ENDOV: variants seen among roughly 807,000 people sequenced by gnomAD.
The protein encoded by ENDOV is hEndoV.
In ENDOV, 37 loss-of-function variants were observed where a neutral mutation model predicts 39.4. The observed-to-expected ratio is 0.94, with a 90% CI of 0.72 to 1.23. The LOEUF is 1.23. ENDOV is among the 50% of genes most tolerant of loss of function. ENDOV has a pLI of 0.00. For synonymous variants in ENDOV, 186 were observed against 163.4 expected (o/e 1.14, Z -1.05); for missense variants, 441 against 375.7 (o/e 1.17, Z -1.44).
At position 80,425,630 on chromosome 17, in the gene ENDOV, C is replaced by A. The variant is rs760228158; in HGVS notation, c.714+10C>A. On this transcript the variant is annotated intron_variant, in intron 7 of 9. Transcript: ENST00000518137. ...AGAGCCCGTGCGCCAGGTGGGTGTG[C>A]TGGGGATGCGGGGAGGCAGCACAGG... 11 of 1,573,818 alleles carry A rather than the reference C, an allele frequency of 7.0e-6. No individual in the cohort carries two copies. The highest frequency in any genetic ancestry group is 2.3e-4 in the Middle Eastern group (1 of 4,436).
intron 2 of ENDOV, chr17:80,417,760 A>C (rs986824310): frequency 5.9e-5 from 9 of 152,354 alleles, no homozygotes; most frequent in African/African-American, 2.2e-4. Context: ...CCCTACTGGA[A>C]TATAAACTCC....
intron 2 of ENDOV, among the ~76,000 whole-genome samples, chr17:80,416,735 CCTTCCTTCCTCT>C (rs1016938411): frequency 2.1e-5 from 3 of 142,914 alleles, no homozygotes; most frequent in Middle Eastern, 3.5e-3. Flanking sequence ...TTCCTTCCTC[CCTTCCTTCCTCT>C]CTCTGTCTCT....
intron 2 of ENDOV, among the ~76,000 whole-genome samples, chr17:80,421,411 C>CAGACCA (rs2082006651): frequency 1.5e-5 from 2 of 129,468 alleles, no homozygotes; most frequent in African/African-American, 5.5e-5. Flanking sequence ...GGGGCTCCTA[C>CAGACCA]TATACACATC....
chr17:80,418,191 C>T (rs934993735), intron 2 of ENDOV: 1 of 152,206 alleles, frequency 6.6e-6, no homozygotes, highest in Non-Finnish European at 1.5e-5. Context: ...CTCTAGGCCT[C>T]TGTCTCCTTT....
intron 5 of ENDOV, chr17:80,424,022 C>T: frequency 3.6e-6 from 1 of 277,344 alleles, no homozygotes. Context: ...TGCTCAGGTA[C>T]CACAGCCTCC....
At chr17:80,423,188 C>T (rs41298726) in intron 4 of ENDOV, among the ~76,000 whole-genome samples, 53 of 152,350 alleles carry the variant, frequency 3.5e-4, no homozygotes, top group African/African-American at 1.3e-3. Context: ...CGTGCCAGCG[C>T]TGGCAGGCCA....
rs1368935186 is a variant in ENDOV at position 80,421,901 on chromosome 17, T to A, written c.302T>A (p.Val101Glu). ...TCGGGCTTCCTGGCCTTCCGAGAGG[T>A]GCCCTTCTTGCTGGAGCTGGTGCAG... Reference protein sequence around the residue: ...YVSGFLAFREVPFLLELVQQL... With the variant: ...YVSGFLAFREEPFLLELVQQL... The change falls in exon 3 of 10, where the codon GTG (valine) becomes GAG (glutamate). Residue 101 changes from valine (V) to glutamate (E), a missense_variant. Transcript: ENST00000518137. 1 of 1,610,460 alleles carries A rather than the reference T, an allele frequency of 6.2e-7. No individual in the cohort carries two copies. The highest frequency in any genetic ancestry group is 1.7e-5 in the Admixed American group (1 of 59,744).
At chr17:80,435,539 C>T (rs1167045568) in intron 9 of ENDOV, among the ~76,000 whole-genome samples, 4 of 152,108 alleles carry the variant, frequency 2.6e-5, no homozygotes, top group Non-Finnish European at 4.4e-5. Context: ...ACTGCAGCCT[C>T]GACCTCTTGG....
In ENDOV at chr17:80,415,190, A is replaced by T. The variant is rs1371998641; in HGVS notation, c.-5A>T. The stretch of plus-strand genomic sequence containing the variant: ...ACGTGCGGAAGGGGTGCCCGGGACG[A>T]AGCCATGGCCCTGGAGGCGGCGGGA... On this transcript the variant is annotated 5_prime_UTR_variant, in exon 1 of 10. Transcript: ENST00000518137. 15 of 1,612,902 alleles carry T rather than the reference A, an allele frequency of 9.3e-6. No individual in the cohort carries two copies. Among genetic ancestry groups the T allele is most frequent in the Non-Finnish European group, 1.3e-5 (15 of 1,179,614 alleles).
intron 7 of ENDOV, among the ~76,000 whole-genome samples, chr17:80,426,372 C>T (rs770308157): frequency 3.9e-5 from 6 of 152,266 alleles, no homozygotes; most frequent in East Asian, 1.9e-4. Context: ...ATGGGGGGCC[C>T]GGAGGGTGGC....
chr17:80,417,500 G>C (rs748347728), intron 2 of ENDOV: 1 of 152,266 alleles, frequency 6.6e-6, no homozygotes. Context: ...AGTTCTGGAG[G>C]CTGGAGGCTC....
intron 2 of ENDOV, chr17:80,419,698 G>A (rs900801340): frequency 1.1e-5 from 8 of 702,072 alleles, no homozygotes; most frequent in Non-Finnish European, 1.8e-5. Context: ...AAGAGGCTGC[G>A]ATGACGTCCA....
At chr17:80,435,689 A>T (rs1343007775) in intron 9 of ENDOV, among the ~76,000 whole-genome samples, 1 of 151,078 alleles carries the variant, frequency 6.6e-6, no homozygotes, top group African/African-American at 2.4e-5. Context: ...ATCTCGGCTC[A>T]CTGCAAGCTC....
chr17:80,417,014 C>G (rs943193008), intron 2 of ENDOV: 1 of 152,226 alleles, frequency 6.6e-6, no homozygotes, highest in African/African-American at 2.4e-5. Context: ...CTTGGCCTCC[C>G]CAAGTGCTGA....
chr17:80,428,516 G>A (rs539890289), intron 7 of ENDOV, 80 bp from the exon 8 acceptor site: 38 of 1,376,556 alleles, frequency 2.8e-5, no homozygotes, highest in Admixed American at 1.6e-4. Context: ...GGGGGATGGA[G>A]GCATTGCCAG....
At chr17:80,431,528 T>G (rs2083327892) in intron 9 of ENDOV, among the ~76,000 whole-genome samples, 1 of 152,188 alleles carries the variant, frequency 6.6e-6, no homozygotes, top group East Asian at 1.9e-4. Flanking sequence ...GAGCGGGAAC[T>G]AGGTGGACTG....
chr17:80,428,017 G>C (rs369806541), intron 7 of ENDOV, among the ~76,000 whole-genome samples: 63 of 152,342 alleles, frequency 4.1e-4, no homozygotes, highest in East Asian at 2.5e-3. Flanking sequence ...GACCCCCCAT[G>C]CCCCCGGGGG....
rs781086901 is a variant in ENDOV at position 80,425,117 on chromosome 17, C to G, written c.585+17C>G. 1 of 1,598,944 alleles carries G rather than the reference C, an allele frequency of 6.3e-7. No individual in the cohort carries two copies. Among genetic ancestry groups the G allele is most frequent in the Admixed American group, 1.7e-5 (1 of 58,074 alleles). ...CTGGGAATGGTGAGTAGCTAGGGCC[C>G]TGAGCTCCTCCAAAGCCCCGGGGTA... On this transcript the variant is annotated intron_variant, in intron 6 of 9. Transcript: ENST00000518137.
At chr17:80,421,714 A>C in intron 2 of ENDOV, 114 bp from the exon 3 acceptor site, 4 of 1,363,912 alleles carry the variant, frequency 2.9e-6, no homozygotes, top group Non-Finnish European at 3.0e-6. Flanking sequence ...AAGGGGAGCC[A>C]TGAGGGTGAC....
Sources: gnomAD v4.1 joint callset for allele counts (sites outside exome capture counted in the v4.1 genomes callset) on GRCh38, gnomAD v4.1.1 for gene constraint, MANE v1.5 for transcripts, NCBI Gene and HGNC (gene_info 2026-07-23, HGNC 2026-07-21) for gene names.